ARHGEF6: variants seen among roughly 807,000 people sequenced by gnomAD.
The protein encoded by ARHGEF6 is rho guanine nucleotide exchange factor 6.
In ARHGEF6, 9 loss-of-function variants were observed where a neutral mutation model predicts 70.3. That is an observed-to-expected ratio of 0.13 (90% CI 0.08 to 0.22). The LOEUF (loss-of-function observed/expected upper bound fraction) is 0.22, where lower values mean the gene tolerates loss of function less well. Among genes scored for constraint, ARHGEF6 ranks in the 10% least tolerant of loss-of-function variants. The pLI, the probability that ARHGEF6 is intolerant of heterozygous loss-of-function variation, is 1.00. For synonymous variants in ARHGEF6, 201 were observed against 207.8 expected (o/e 0.97, Z 0.28); for missense variants, 470 against 563.0 (o/e 0.83, Z 1.67).
intron 6 of ARHGEF6, among the ~76,000 whole-genome samples, chrX:136,719,831 C>T (rs2076777919): frequency 9.0e-6 from 1 of 111,385 alleles, no homozygotes; most frequent in Admixed American, 9.5e-5. Context: ...ATCCCATGGA[C>T]ATTAAAATAA....
Position 136,685,835 on chromosome X carries a change from A to C in ARHGEF6, c.1246-12T>G, listed in dbSNP as rs780519023. ...TCTTGACATTGCCCCTACAGAACCAAAGCAGAACATAATGGAATAGGAATT... is the reference window on the plus strand; with the variant it reads ...TCTTGACATTGCCCCTACAGAACCACAGCAGAACATAATGGAATAGGAATT... On this transcript the variant is annotated splice_polypyrimidine_tract_variant and intron_variant, in intron 11 of 21. Coordinates refer to ENST00000250617, the MANE Select transcript of ARHGEF6 (RefSeq NM_004840.3). The C allele has an allele frequency of 8.3e-7, 1 of 1,206,584 alleles. No homozygotes were observed. Among genetic ancestry groups the C allele is most frequent in the Non-Finnish European group, 1.1e-6 (1 of 892,649 alleles).
At position 136,727,325 on chromosome X, in the gene ARHGEF6, TTTTCTTTCTTTCTTTCTTTC is replaced by T. The variant is rs745840487; in HGVS notation, c.732+4757_732+4776del. The stretch of plus-strand genomic sequence containing the variant: ...CTGTAGTCTTTCTTTCTTTCTTTCT[TTTTCTTTCTTTCTTTCTTTC>T]TTTCTTTCTTTCTTTCTTTCTTTCT... On this transcript the variant is annotated intron_variant, in intron 6 of 21. Coordinates refer to ENST00000250617, the MANE Select transcript of ARHGEF6 (RefSeq NM_004840.3). Among the ~76,000 whole-genome samples, 84 of 61,101 alleles carry T rather than the reference TTTTCTTTCTTTCTTTCTTTC, an allele frequency of 1.4e-3. 1 individual carries two copies. Among genetic ancestry groups the T allele is most frequent in the Non-Finnish European group, 2.5e-3 (77 of 31,369 alleles). The allele number at this position is 61,101 out of a possible 115,157, so 53.1% of individuals were successfully genotyped here.
At chrX:136,700,940 T>G (rs1449408403) in intron 9 of ARHGEF6, among the ~76,000 whole-genome samples, 1 of 111,622 alleles carries the variant, frequency 9.0e-6, no homozygotes, top group African/African-American at 3.3e-5. Context: ...CACTAAGAAA[T>G]GATCAAAAGA....
intron 5 of ARHGEF6, among the ~76,000 whole-genome samples, chrX:136,742,157 A>G (rs1203757620): frequency 9.0e-6 from 1 of 111,020 alleles, no homozygotes; most frequent in Non-Finnish European, 1.9e-5. Context: ...CATCTCTACT[A>G]AAAATACAAA....
intron 9 of ARHGEF6, among the ~76,000 whole-genome samples, chrX:136,703,935 A>G (rs1279765313): frequency 8.9e-6 from 1 of 112,755 alleles, no homozygotes; most frequent in Non-Finnish European, 1.9e-5. Flanking sequence ...TCATTTGGAA[A>G]CCAAAAAGTT....
In ARHGEF6 at chrX:136,764,596, C is replaced by T. The variant is rs183044664; in HGVS notation, c.249+14818G>A. ...AGGTGGGAAGGCAGGGTATCTACTA[C>T]GATAGTGGTGGATAGTCATGATAGT... On this transcript the variant is annotated intron_variant, in intron 2 of 21. Coordinates refer to ENST00000250617, the MANE Select transcript of ARHGEF6 (RefSeq NM_004840.3). 3.4e-3 allele frequency among the ~76,000 whole-genome samples: 376 copies of T among 111,023 alleles called. 2 individuals carry two copies. Among genetic ancestry groups the T allele is most frequent in the African/African-American group, 0.011 (337 of 30,469 alleles).
At chrX:136,705,703 T>C (rs1219692545) in intron 9 of ARHGEF6, among the ~76,000 whole-genome samples, 2 of 112,444 alleles carry the variant, frequency 1.8e-5, no homozygotes, top group Non-Finnish European at 3.8e-5. Flanking sequence ...GACCTCTCTT[T>C]CTTTAAACTC....
At chrX:136,693,414 A>C (rs770498635) in intron 9 of ARHGEF6, among the ~76,000 whole-genome samples, 1 of 112,404 alleles carries the variant, frequency 8.9e-6, no homozygotes, top group African/African-American at 3.2e-5. Flanking sequence ...TTAGCCAAAT[A>C]AACATAATAC....
chrX:136,729,008 C>G (rs954215235), intron 6 of ARHGEF6, among the ~76,000 whole-genome samples: 1 of 37,539 alleles, frequency 2.7e-5, no homozygotes, highest in Non-Finnish European at 4.3e-5. Flanking sequence ...CATTCTCTCT[C>G]TCTCTCTCTC....
intron 6 of ARHGEF6, among the ~76,000 whole-genome samples, chrX:136,716,003 C>T (rs1482393525): frequency 1.8e-5 from 2 of 112,837 alleles, no homozygotes; most frequent in Non-Finnish European, 3.8e-5. Context: ...TGCAATGGCA[C>T]AATCTCGGCT....
At chrX:136,735,556 T>G in intron 5 of ARHGEF6, among the ~76,000 whole-genome samples, 1 of 111,440 alleles carries the variant, frequency 9.0e-6, no homozygotes, top group Middle Eastern at 4.6e-3. Context: ...ATGAGGAGAC[T>G]GGGCAATCCA....
intron 8 of ARHGEF6, 21 bp downstream of exon 8, chrX:136,708,654 T>C: frequency 1.7e-6 from 2 of 1,169,006 alleles, no homozygotes; most frequent in Non-Finnish European, 2.3e-6. Context: ...GGCTATCCTA[T>C]CAGAAATATG....
At position 136,757,232 on chromosome X, in the gene ARHGEF6, C is replaced by T. The variant is rs1208320213; in HGVS notation, c.250-9640G>A. Among the ~76,000 whole-genome samples, 8 of 111,855 alleles carry T rather than the reference C, an allele frequency of 7.2e-5. No homozygotes were observed. In the South Asian group the frequency reaches 2.6e-3, roughly 36 times the overall value. ...AAAATTAACCAGATGTGGTGGCACA[C>T]GCCTGTAATCCCAGCTAGTGGGGAG... On this transcript the variant is annotated intron_variant, in intron 2 of 21. Coordinates refer to ENST00000250617, the MANE Select transcript of ARHGEF6 (RefSeq NM_004840.3).
At chrX:136,699,184 T>C (rs901833319) in intron 9 of ARHGEF6, among the ~76,000 whole-genome samples, 1 of 111,547 alleles carries the variant, frequency 9.0e-6, no homozygotes, top group Non-Finnish European at 1.9e-5. Context: ...TAGCATGTAT[T>C]ATTGTGTATA....
chrX:136,756,593 C>G (rs1013702715), intron 2 of ARHGEF6, among the ~76,000 whole-genome samples: 34 of 111,939 alleles, frequency 3.0e-4, no homozygotes, highest in African/African-American at 1.0e-3. Flanking sequence ...CACGGCAAAG[C>G]AACTCACCAG....
intron 6 of ARHGEF6, among the ~76,000 whole-genome samples, chrX:136,728,904 G>C (rs2076897897): frequency 9.2e-6 from 1 of 109,192 alleles, no homozygotes; most frequent in Admixed American, 9.8e-5. Context: ...GACTTGTACG[G>C]AATTACACCA....
In ARHGEF6 at chrX:136,765,040, G is replaced by A. The variant is rs1224442272; in HGVS notation, c.249+14374C>T. On this transcript the variant is annotated intron_variant, in intron 2 of 21. Coordinates refer to ENST00000250617, the MANE Select transcript of ARHGEF6 (RefSeq NM_004840.3). ...ATGAGTTCTGGAGTCAGGTACATCA[G>A]TGATTACATTCCGGTTCTTCTTTGC... 2.7e-5 allele frequency among the ~76,000 whole-genome samples: 3 copies of A among 112,091 alleles called. No individual in the cohort carries two copies. In the East Asian group the frequency reaches 8.5e-4, roughly 32 times the overall value.
chrX:136,686,649 T>C (rs201437346), intron 11 of ARHGEF6, among the ~76,000 whole-genome samples: 82 of 83,992 alleles, frequency 9.8e-4, no homozygotes, highest in East Asian at 7.6e-3. Context: ...TATACACACA[T>C]ATATATATAC....
At chrX:136,727,663 A>C (rs770731025) in intron 6 of ARHGEF6, among the ~76,000 whole-genome samples, 11 of 109,366 alleles carry the variant, frequency 1.0e-4, no homozygotes, top group Non-Finnish European at 1.9e-5. Flanking sequence ...TCTCCCAAGT[A>C]GCTGGGATTA....
Sources: allele counts gnomAD v4.1 joint callset (sites outside exome capture counted in the v4.1 genomes callset), GRCh38; gene constraint gnomAD v4.1.1; transcripts MANE v1.5; gene names NCBI Gene and HGNC (gene_info 2026-07-23, HGNC 2026-07-21).